The following EDC4 variants were observed in gnomAD, a reference collection of about 807,000 sequenced individuals.
EDC4 encodes the protein enhancer of mRNA decapping 4, also known as enhancer of mRNA-decapping protein 4.
In EDC4, 64 loss-of-function variants were observed where a neutral mutation model predicts 155.8. The observed-to-expected ratio is 0.41, with a 90% confidence interval of 0.34 to 0.51. The LOEUF (loss-of-function observed/expected upper bound fraction) is 0.51. EDC4 is among the 20% of genes least tolerant of loss of function. The pLI is 0.19. For synonymous variants in EDC4, 684 were observed against 716.8 expected, an observed-to-expected ratio of 0.95 and a Z score of 0.73; for missense variants, 1,303 against 1,812.5, an observed-to-expected ratio of 0.72 and a Z score of 5.10.
chr16:67,881,629 G>C lies in EDC4; in HGVS notation c.2827-39G>C. On this transcript the variant is annotated intron_variant, in intron 21 of 28. Coordinates refer to ENST00000358933, the MANE Select transcript of EDC4 (RefSeq NM_014329.5). This position sits in a 1 kb window ranked among gnomAD's most constrained non-coding sequence, Gnocchi z 5.4. ...TCCCTGGTCTGGTGTGTGGGAATAG[G>C]TGGGGCAGGCATCGTGTGACTGTCA... 6.2e-7 allele frequency: 1 copy of C among 1,610,768 alleles called. No homozygotes were observed. Among genetic ancestry groups the C allele is most frequent in the Non-Finnish European group, 8.5e-7 (1 of 1,177,490 alleles).
intron 1 of EDC4, among the ~76,000 whole-genome samples, chr16:67,874,721 A>T (rs962113010): frequency 2.6e-5 from 4 of 152,138 alleles, no homozygotes; most frequent in Non-Finnish European, 5.9e-5. Flanking sequence ...ATTGATTGGC[A>T]CTTGATTCCC....
intron 1 of EDC4, among the ~76,000 whole-genome samples, chr16:67,875,307 G>C (rs567261312): frequency 6.6e-6 from 1 of 152,198 alleles, no homozygotes; most frequent in South Asian, 2.1e-4. Context: ...TCTGTGTGGG[G>C]CAGCCCCTTC....
chr16:67,875,465 T>A (rs1168280516), intron 1 of EDC4, among the ~76,000 whole-genome samples: 1 of 152,236 alleles, frequency 6.6e-6, no homozygotes, highest in African/African-American at 2.4e-5. Flanking sequence ...TGGCCAGAAC[T>A]GACCACATCA....
At position 67,877,725 on chromosome 16, in the gene EDC4, TC is replaced by T. The variant is rs766379136; in HGVS notation, c.790-13del. The T allele has an allele frequency of 6.2e-7, 1 of 1,614,122 alleles. No individual in the cohort carries two copies. Among genetic ancestry groups the T allele is most frequent in the African/African-American group, 1.3e-5 (1 of 75,032 alleles). Reference sequence around the variant, plus strand: ...TGTGGGGTTGGGCTGCACACTCACCTCCCTGTGCCTTCCAGGCTGAGGTGTG... The same window carrying T: ...TGTGGGGTTGGGCTGCACACTCACCTCCTGTGCCTTCCAGGCTGAGGTGTG... On this transcript the variant is annotated splice_polypyrimidine_tract_variant and intron_variant, in intron 6 of 28. Coordinates refer to ENST00000358933, the MANE Select transcript of EDC4 (RefSeq NM_014329.5). This position sits in a 1 kb window ranked among gnomAD's most constrained non-coding sequence, Gnocchi z 4.9.
chr16:67,881,336 G>A lies in EDC4; in HGVS notation c.2708G>A (p.Arg903Gln), dbSNP rs145018702. The change falls in exon 20 of 29, where the codon CGG (arginine) becomes CAG (glutamine). Residue 903 changes from arginine (R) to glutamine (Q), a missense_variant. Around this residue, in one of 5 missense-constraint regions of EDC4, gnomAD observed 527 missense variants for 757.0 expected, o/e 0.70. Transcript: ENST00000358933. This position sits in a 1 kb window ranked among gnomAD's most constrained non-coding sequence, Gnocchi z 5.4. ...TTTGGCACCAAAGTTCCTGCTCCAC[G>A]GCTGCCTGCCAAGGACTGGAAGACC... ...GGFGTKVPAP[R>Q]LPAKDWKTKG... 38 of 1,614,000 alleles carry A rather than the reference G, an allele frequency of 2.4e-5. No homozygotes were observed. Among genetic ancestry groups the A allele is most frequent in the African/African-American group, 1.7e-4 (13 of 74,902 alleles).
At chr16:67,873,462 A>C in intron 1 of EDC4, 119 bp downstream of exon 1, 1 of 825,496 alleles carries the variant, frequency 1.2e-6, no homozygotes, top group South Asian at 2.3e-5. Flanking sequence ...CCGGCGGGTA[A>C]GGGTGGACGG....
In EDC4 at chr16:67,873,246, G is replaced by A; in HGVS notation, c.-16G>A. ...GGAACGAACGCGGTGCGGGCGGGGCGCCCGCCGCAGGGCCCATGGCCTCCT... is the reference window on the plus strand; with the variant it reads ...GGAACGAACGCGGTGCGGGCGGGGCACCCGCCGCAGGGCCCATGGCCTCCT... On this transcript the variant is annotated 5_prime_UTR_variant, in exon 1 of 29. Transcript: ENST00000358933. The A allele has an allele frequency of 1.4e-6, 2 of 1,387,970 alleles. No individual in the cohort carries two copies. Among genetic ancestry groups the A allele is most frequent in the Non-Finnish European group, 9.3e-7 (1 of 1,077,462 alleles). The allele number at this position is 1,387,970 out of a possible 1,614,324, so 86.0% of individuals were successfully genotyped here. A position where few individuals can be genotyped will look rare whatever the true frequency, so the allele number is the denominator to read the frequency against.
chr16:67,878,342 T>G lies in EDC4; in HGVS notation c.1005-18T>G, dbSNP rs149602353. ...CCACCCGACCACTCACTCAGGCCCC[T>G]CATCTGCCTACCTGCAGGTGTCTGC... On this transcript the variant is annotated intron_variant, in intron 8 of 28. Coordinates refer to ENST00000358933, the MANE Select transcript of EDC4 (RefSeq NM_014329.5). The surrounding 1 kb of genome is among the most constrained non-coding windows in gnomAD (Gnocchi z 5.2). 5.3e-5 allele frequency: 85 copies of G among 1,614,166 alleles called. No homozygotes were observed. The African/African-American group carries it at 9.3e-4, about 18-fold the overall frequency.
chr16:67,875,930 C>A lies in EDC4; in HGVS notation c.83-15C>A. The A allele has an allele frequency of 6.2e-7, 1 of 1,608,704 alleles. No homozygotes were observed. The highest frequency in any genetic ancestry group is 1.1e-5 in the South Asian group (1 of 90,760). ...GGTCGAGCAACCTTATCAGAATGAC[C>A]CTCTTTGTCCCCAGGCCCCAGTGCA... is the stretch of plus-strand genomic sequence containing the variant. On this transcript the variant is annotated splice_polypyrimidine_tract_variant and intron_variant, in intron 1 of 28. Coordinates refer to ENST00000358933, the MANE Select transcript of EDC4 (RefSeq NM_014329.5).
chr16:67,873,476 TTGAC>T (rs2058029328), intron 1 of EDC4, 133 bp downstream of exon 1: 1 of 693,572 alleles, frequency 1.4e-6, no homozygotes, highest in Admixed American at 4.3e-5. Context: ...TGGACGGGGA[TTGAC>T]TGTGCCCCTC....
Position 67,878,006 on chromosome 16 carries a change from C to A in EDC4, c.895-160C>A. On this transcript the variant is annotated intron_variant, in intron 7 of 28. Transcript: ENST00000358933. This position sits in a 1 kb window ranked among gnomAD's most constrained non-coding sequence, Gnocchi z 5.2. ...CCTGTGCAGCTTTCTCCTTATCTAG[C>A]AGCACCCTGCAGGTCTGGCCTTCTC... 1 of 1,477,554 alleles carries A rather than the reference C, an allele frequency of 6.8e-7. No homozygotes were observed. Among genetic ancestry groups the A allele is most frequent in the Non-Finnish European group, 9.1e-7 (1 of 1,098,128 alleles). 91.5% of individuals were successfully genotyped at this position (1,477,554 alleles called of 1,614,324 possible). A position where few individuals can be genotyped will look rare whatever the true frequency, so the allele number is the denominator to read the frequency against.
At position 67,876,128 on chromosome 16, in the gene EDC4, G is replaced by A. The variant is rs1367023857; in HGVS notation, c.239+27G>A. 1.2e-6 allele frequency: 2 copies of A among 1,608,680 alleles called. No individual in the cohort carries two copies. The highest frequency in any genetic ancestry group is 1.7e-6 in the Non-Finnish European group (2 of 1,175,686). Reference sequence around the variant, plus strand: ...TGAGTACCTAGGAGACGACAATAGTGGTGATGGTGTATTTGGGGTGTCTGC... The same window carrying A: ...TGAGTACCTAGGAGACGACAATAGTAGTGATGGTGTATTTGGGGTGTCTGC... On this transcript the variant is annotated intron_variant, in intron 2 of 28. Coordinates refer to ENST00000358933, the MANE Select transcript of EDC4 (RefSeq NM_014329.5). This position sits in a 1 kb window ranked among gnomAD's most constrained non-coding sequence, Gnocchi z 5.8.
intron 1 of EDC4, among the ~76,000 whole-genome samples, chr16:67,874,342 C>T (rs2058033590): frequency 6.6e-6 from 1 of 152,168 alleles, no homozygotes; most frequent in Non-Finnish European, 1.5e-5. Flanking sequence ...TGCTGGGAGG[C>T]CCAGACTGGC....
Position 67,881,791 on chromosome 16 carries a change from A to G in EDC4, c.2950A>G (p.Ser984Gly). 1.2e-6 allele frequency: 2 copies of G among 1,614,148 alleles called. No homozygotes were observed. The highest frequency in any genetic ancestry group is 1.7e-6 in the Non-Finnish European group (2 of 1,179,990). ...GTGTACCCAACTCGAAGGCCTGCAG[A>G]GCACAGTCACAGGCCACGTAGAACG... ...RLCTQLEGLQ[S>G]TVTGHVERAL... The change falls in exon 22 of 29, where the codon AGC becomes GGC. Residue 984 changes from serine (S) to glycine (G), a missense_variant. Ser to Gly is a moderately conservative substitution (Grantham distance 56). This residue lies in a region of EDC4 where 527 missense variants were observed against 757.0 expected (regional missense o/e 0.70). Transcript: ENST00000358933. This position sits in a 1 kb window ranked among gnomAD's most constrained non-coding sequence, Gnocchi z 5.4.
At position 67,880,796 on chromosome 16, in the gene EDC4, G is replaced by A. The variant is rs754177121; in HGVS notation, c.2337G>A (p.Leu779=). Residue 779 remains leucine (L), a synonymous_variant, in exon 18 of 29, where the codon CTG becomes CTA. Transcript: ENST00000358933. This position sits in a 1 kb window ranked among gnomAD's most constrained non-coding sequence, Gnocchi z 5.2. ...CAGCCGCCTCGGCACTGCACCTGCT[G>A]TCCCCACGGCCCCGGCCAGGGCCCG... ...MASAASALHL[L]SPRPRPGPEL... is the part of the protein sequence containing the mutation. The A allele has an allele frequency of 4.3e-6, 7 of 1,613,892 alleles. No individual in the cohort carries two copies. Among genetic ancestry groups the A allele is most frequent in the Non-Finnish European group, 5.9e-6 (7 of 1,180,020 alleles).
Position 67,876,053 on chromosome 16 carries a change from C to T in EDC4, c.191C>T (p.Thr64Ile), listed in dbSNP as rs2058040053. ...CSGDSTSANK[T>I]GLRTMPPINL... ...GGTGATAGTACCTCAGCAAACAAGA[C>T]TGGTCTTCGGACCATGCCACCCATT... The change falls in exon 2 of 29, where the codon ACT (threonine) becomes ATT (isoleucine). Residue 64 changes from threonine to isoleucine, a missense_variant. Thr to Ile is a moderately conservative substitution (Grantham distance 89). Coordinates refer to ENST00000358933, the MANE Select transcript of EDC4 (RefSeq NM_014329.5). The surrounding 1 kb of genome is among the most constrained non-coding windows in gnomAD (Gnocchi z 5.8). 4.3e-6 allele frequency: 7 copies of T among 1,614,218 alleles called. No homozygotes were observed. Among genetic ancestry groups the T allele is most frequent in the Middle Eastern group, 1.6e-4 (1 of 6,062 alleles).
chr16:67,879,706 A>T lies in EDC4; in HGVS notation c.1753A>T (p.Ser585Cys). 1 of 1,614,114 alleles carries T rather than the reference A, an allele frequency of 6.2e-7. No homozygotes were observed. The highest frequency in any genetic ancestry group is 1.6e-4 in the Middle Eastern group (1 of 6,062). The change falls in exon 15 of 29, where the codon AGC (serine) becomes TGC (cysteine). Residue 585 changes from serine (S) to cysteine (C), a missense_variant. Ser to Cys is a moderately radical substitution (Grantham distance 112). This residue lies in a region of EDC4 where 391 missense variants were observed against 445.4 expected (regional missense o/e 0.88). Transcript: ENST00000358933. This position sits in a 1 kb window ranked among gnomAD's most constrained non-coding sequence, Gnocchi z 6.0. ...TGCACCTGCCGACTTCCTCAGTCTG[A>T]GCAGTGAGACCAAGCCCAAGTTGAT... The part of the protein sequence containing the change: ...LPAPADFLSL[S>C]SETKPKLMTP...
chr16:67,877,924 C>T lies in EDC4; in HGVS notation c.894+79C>T. ...TTCTGTTCCCTATATCCACAGCTGC[C>T]CGGGCAGCTTTACTAGCATTCTGCC... On this transcript the variant is annotated intron_variant, in intron 7 of 28. Coordinates refer to ENST00000358933, the MANE Select transcript of EDC4 (RefSeq NM_014329.5). The surrounding 1 kb of genome is among the most constrained non-coding windows in gnomAD (Gnocchi z 4.9). 1.3e-6 allele frequency: 2 copies of T among 1,574,896 alleles called. No homozygotes were observed. The highest frequency in any genetic ancestry group is 1.7e-6 in the Non-Finnish European group (2 of 1,158,248).
Position 67,877,476 on chromosome 16 carries a change from A to G in EDC4, c.642-33A>G, listed in dbSNP as rs774994630. 6.2e-7 allele frequency: 1 copy of G among 1,612,590 alleles called. No homozygotes were observed. On this transcript the variant is annotated intron_variant, in intron 5 of 28. Coordinates refer to ENST00000358933, the MANE Select transcript of EDC4 (RefSeq NM_014329.5). This position sits in a 1 kb window ranked among gnomAD's most constrained non-coding sequence, Gnocchi z 4.9. ...CGGAGCTGGGGTGTCACGCCTCTTCATTCATCTATCTAGCCCTTAACACCC... is the reference window on the plus strand; with the variant it reads ...CGGAGCTGGGGTGTCACGCCTCTTCGTTCATCTATCTAGCCCTTAACACCC...
Sources: allele counts gnomAD v4.1 joint callset (sites outside exome capture counted in the v4.1 genomes callset), GRCh38; gene constraint gnomAD v4.1.1; regional missense constraint gnomAD v4.1.1; non-coding constraint Gnocchi (gnomAD v3.1); transcripts MANE v1.5; gene names NCBI Gene and HGNC (gene_info 2026-07-23, HGNC 2026-07-21).